Variants in DUXA observed in about 807,000 individuals in gnomAD.
The protein encoded by DUXA is double homeobox A, also known as double homeobox protein A.
A neutral mutation model predicts 27.5 loss-of-function variants in DUXA; 25 were observed. The observed-to-expected ratio is 0.91, with a 90% CI of 0.66 to 1.27. The LOEUF is 1.27. DUXA is among the 50% of genes most tolerant of loss of function. DUXA has a pLI of 0.00. For missense variants in DUXA, 247 were observed against 242.9 expected, an observed-to-expected ratio of 1.02 and a Z score of -0.11; for synonymous variants, 90 against 80.5, an observed-to-expected ratio of 1.12 and a Z score of -0.63.
chr19:57,164,981 C>A (rs186871706), intron 1 of DUXA, among the ~76,000 whole-genome samples: 357 of 152,164 alleles, frequency 2.3e-3, no homozygotes, highest in African/African-American at 7.9e-3. Flanking sequence ...GAGGTACCAG[C>A]AGATTTACCC....
chr19:57,161,290 A>G (rs1490399838), intron 1 of DUXA, among the ~76,000 whole-genome samples: 2 of 137,504 alleles, frequency 1.5e-5, no homozygotes, highest in Non-Finnish European at 3.0e-5. Context: ...GTGCCATTGC[A>G]CTCCAGCCTG....
intron 1 of DUXA, among the ~76,000 whole-genome samples, chr19:57,166,308 TG>T (rs1194931447): frequency 1.8e-4 from 28 of 152,212 alleles, no homozygotes; most frequent in African/African-American, 6.7e-4. Context: ...AATTTATGTA[TG>T]TATGTATGTA....
Position 57,157,712 on chromosome 19 carries a change from C to T in DUXA, c.438+616G>A, listed in dbSNP as rs571742960. On this transcript the variant is annotated intron_variant, in intron 4 of 5. Coordinates refer to ENST00000554048, the MANE Select transcript of DUXA (RefSeq NM_001012729.2). ...ACATAAAGACTTCAGTCAAATAGGC[C>T]GGGCACGGTGGCTCAGCCCTGTAAT... 3.3e-5 allele frequency among the ~76,000 whole-genome samples: 5 copies of T among 151,714 alleles called. No homozygotes were observed. The East Asian group carries it at 5.9e-4, about 18-fold the overall frequency.
intron 1 of DUXA, among the ~76,000 whole-genome samples, chr19:57,161,597 T>C (rs2087024107): frequency 6.6e-6 from 1 of 150,602 alleles, no homozygotes; most frequent in Non-Finnish European, 1.5e-5. Context: ...CACTCCAGCC[T>C]GGGTGACAGA....
chr19:57,156,990 G>A (rs930134016), intron 4 of DUXA, among the ~76,000 whole-genome samples: 4 of 152,130 alleles, frequency 2.6e-5, no homozygotes, highest in Admixed American at 2.0e-4. Context: ...TGTGAAAATG[G>A]CAGTTAAGTT....
At chr19:57,163,355 C>T (rs2087034191) in intron 1 of DUXA, among the ~76,000 whole-genome samples, 2 of 152,120 alleles carry the variant, frequency 1.3e-5, no homozygotes. Context: ...CTAGGTTGCC[C>T]AGGCTGTATG....
rs1396676834 is a variant in DUXA at position 57,155,385 on chromosome 19, A to G, written c.439-13T>C. Reference sequence around the variant, plus strand: ...TTTGGAACCAAATCTAAGTGGTAAGACAAAGAAACTTAATTTAAACAAAGA... The same window carrying G: ...TTTGGAACCAAATCTAAGTGGTAAGGCAAAGAAACTTAATTTAAACAAAGA... On this transcript the variant is annotated splice_polypyrimidine_tract_variant and intron_variant, in intron 4 of 5. Transcript: ENST00000554048. The G allele has an allele frequency of 1.3e-6, 2 of 1,573,194 alleles. No homozygotes were observed. The highest frequency in any genetic ancestry group is 2.2e-5 in the East Asian group (1 of 44,662).
intron 5 of DUXA, among the ~76,000 whole-genome samples, chr19:57,154,774 AGGAT>A (rs1358501677): frequency 6.6e-6 from 1 of 152,024 alleles, no homozygotes; most frequent in East Asian, 1.9e-4. Flanking sequence ...CGTGTTAGCC[AGGAT>A]GGTCTCGATC....
At chr19:57,163,325 T>C (rs959139733) in intron 1 of DUXA, among the ~76,000 whole-genome samples, 5 of 152,142 alleles carry the variant, frequency 3.3e-5, no homozygotes, top group Non-Finnish European at 7.3e-5. Flanking sequence ...TTTTTGATGT[T>C]TTGTAGAGAT....
intron 1 of DUXA, among the ~76,000 whole-genome samples, chr19:57,165,576 C>A (rs934378987): frequency 1.3e-5 from 2 of 151,190 alleles, no homozygotes; most frequent in African/African-American, 4.9e-5. Flanking sequence ...GAGGCCGAGG[C>A]GGGCAGATCA....
At chr19:57,155,562 G>T (rs1358772167) in intron 4 of DUXA, among the ~76,000 whole-genome samples, 190 bp from the exon 5 acceptor site, 5 of 151,756 alleles carry the variant, frequency 3.3e-5, no homozygotes, top group African/African-American at 1.2e-4. Context: ...TTCACCACGT[G>T]GCCCAGGCTG....
intron 5 of DUXA, among the ~76,000 whole-genome samples, chr19:57,154,952 C>A (rs1278339982): frequency 1.3e-5 from 2 of 152,218 alleles, no homozygotes; most frequent in Non-Finnish European, 2.9e-5. Flanking sequence ...AGGATTCATT[C>A]CTCCTCTCAC....
chr19:57,155,735 C>T (rs1194033704), intron 4 of DUXA, among the ~76,000 whole-genome samples: 1 of 151,990 alleles, frequency 6.6e-6, no homozygotes, highest in Admixed American at 6.6e-5. Flanking sequence ...GTGGCACAAT[C>T]TTGGCTCACT....
At chr19:57,155,451 T>G in intron 4 of DUXA, 79 bp from the exon 5 acceptor site, 11 of 1,178,706 alleles carry the variant, frequency 9.3e-6, no homozygotes, top group Admixed American at 8.4e-5. Flanking sequence ...CTCTTTTTTC[T>G]TTTCTGTTTT....
chr19:57,159,976 G>C (rs904297173), intron 2 of DUXA, among the ~76,000 whole-genome samples: 3 of 152,006 alleles, frequency 2.0e-5, no homozygotes, highest in African/African-American at 7.2e-5. Context: ...ATGGCGGCAG[G>C]CGCCTGTAGT....
chr19:57,165,474 A>G (rs1044436369), intron 1 of DUXA, among the ~76,000 whole-genome samples: 1 of 151,582 alleles, frequency 6.6e-6, no homozygotes, highest in Non-Finnish European at 1.5e-5. Flanking sequence ...ATTTTCATCT[A>G]ATTTTTCAAG....
intron 1 of DUXA, among the ~76,000 whole-genome samples, chr19:57,161,615 TC>T (rs2087024324): frequency 6.8e-6 from 1 of 146,066 alleles, no homozygotes; most frequent in South Asian, 2.2e-4. Context: ...AGAGCGAGAC[TC>T]CGTCTCAAAA....
At chr19:57,163,447 C>CTT (rs11463065) in intron 1 of DUXA, among the ~76,000 whole-genome samples, 86 of 148,810 alleles carry the variant, frequency 5.8e-4, no homozygotes, top group African/African-American at 1.1e-3. Context: ...CATCCTCTCT[C>CTT]TTTTTTTTTT....
chr19:57,154,767 G>T (rs944201486), intron 5 of DUXA, among the ~76,000 whole-genome samples: 1 of 151,968 alleles, frequency 6.6e-6, no homozygotes, highest in Non-Finnish European at 1.5e-5. Flanking sequence ...GTTTCACCGT[G>T]TTAGCCAGGA....
Sources: allele counts gnomAD v4.1 joint callset (sites outside exome capture counted in the v4.1 genomes callset), GRCh38; gene constraint gnomAD v4.1.1; transcripts MANE v1.5; gene names NCBI Gene and HGNC (gene_info 2026-07-23, HGNC 2026-07-21).